The following CUX1 variants were observed in gnomAD, a reference collection of about 807,000 sequenced individuals.
CUX1 encodes protein CASP.
In CUX1, 31 loss-of-function variants were observed where a neutral mutation model predicts 158.8. The observed-to-expected ratio is 0.20, with a 90% CI of 0.15 to 0.26. The LOEUF (loss-of-function observed/expected upper bound fraction) is 0.26, where lower values mean the gene tolerates loss of function less well. CUX1 is among the 10% of genes least tolerant of loss of function. CUX1 has a pLI of 1.00. For missense variants in CUX1, 1,589 were observed against 2,014.6 expected, an observed-to-expected ratio of 0.79 and a Z score of 4.04; for synonymous variants, 879 against 862.1, an observed-to-expected ratio of 1.02 and a Z score of -0.34.
intron 1 of CUX1, among the ~76,000 whole-genome samples, chr7:101,854,306 T>C (rs993833737): frequency 2.0e-5 from 3 of 152,146 alleles, no homozygotes; most frequent in African/African-American, 7.2e-5. Context: ...GCGGGTAACA[T>C]ATGATTAACA....
At chr7:101,915,963 G>A (rs528705913) in intron 1 of CUX1, 152 bp from the exon 2 acceptor site, 20 of 623,828 alleles carry the variant, frequency 3.2e-5, no homozygotes, top group South Asian at 7.0e-5. Flanking sequence ...CTGCCTTCCC[G>A]CCACCCTCCA....
intron 22 of CUX1, among the ~76,000 whole-genome samples, chr7:102,236,135 C>T (rs1327581611): frequency 6.6e-6 from 1 of 152,208 alleles, no homozygotes; most frequent in Non-Finnish European, 1.5e-5. Context: ...CAGTAGGGAA[C>T]GGGAATTCAT....
At chr7:101,821,032 G>A (rs1043044595) in intron 1 of CUX1, among the ~76,000 whole-genome samples, 1 of 152,156 alleles carries the variant, frequency 6.6e-6, no homozygotes, top group Non-Finnish European at 1.5e-5. Flanking sequence ...CCTGGATGCC[G>A]AGAGAAGTGT....
chr7:101,996,317 G>A (rs1815878893), intron 2 of CUX1, among the ~76,000 whole-genome samples: 1 of 151,048 alleles, frequency 6.6e-6, no homozygotes, highest in Non-Finnish European at 1.5e-5. Flanking sequence ...AGGACAGAAG[G>A]CTCCCCAGAG....
intron 23 of CUX1, among the ~76,000 whole-genome samples, chr7:102,242,602 A>G (rs1554535333): frequency 6.6e-6 from 1 of 152,220 alleles, no homozygotes; most frequent in African/African-American, 2.4e-5. Flanking sequence ...AACGCTTTCT[A>G]TAATATAGAC....
intron 4 of CUX1, among the ~76,000 whole-genome samples, chr7:102,093,325 A>G (rs1484675792): frequency 6.6e-6 from 1 of 151,774 alleles, no homozygotes; most frequent in Non-Finnish European, 1.5e-5. Context: ...AGCTGGGACT[A>G]CAGGCATGCA....
intron 2 of CUX1, among the ~76,000 whole-genome samples, chr7:101,965,621 G>A (rs1811085918): frequency 6.6e-6 from 1 of 152,080 alleles, no homozygotes. Flanking sequence ...GCCGAGGTGG[G>A]CGGATCACGA....
At chr7:102,070,104 T>C (rs1479555948) in intron 3 of CUX1, among the ~76,000 whole-genome samples, 1 of 152,150 alleles carries the variant, frequency 6.6e-6, no homozygotes, top group East Asian at 1.9e-4. Context: ...ACCCACCCAG[T>C]GTTCCCTGCT....
At chr7:101,828,844 G>A (rs1174333759) in intron 1 of CUX1, among the ~76,000 whole-genome samples, 1 of 152,270 alleles carries the variant, frequency 6.6e-6, no homozygotes, top group Non-Finnish European at 1.5e-5. Flanking sequence ...GGATGCCCAG[G>A]CCCATTGCGG....
chr7:102,282,749 G>C, exon 22 of CUX1: 1 of 1,613,616 alleles, frequency 6.2e-7, no homozygotes, highest in Non-Finnish European at 8.5e-7. Flanking sequence ...AGCATGGAGA[G>C]GGACTGTGCC....
At chr7:102,120,877 A>C (rs1228067506) in intron 8 of CUX1, among the ~76,000 whole-genome samples, 2 of 152,124 alleles carry the variant, frequency 1.3e-5, no homozygotes, top group African/African-American at 4.8e-5. Flanking sequence ...CAGCCTGGGC[A>C]ACATAGTGAG....
intron 21 of CUX1, among the ~76,000 whole-genome samples, chr7:102,232,058 G>T (rs1443882816): frequency 6.6e-6 from 1 of 151,470 alleles, no homozygotes; most frequent in Non-Finnish European, 1.5e-5. Flanking sequence ...ATAAGGACTT[G>T]GGACATTTAT....
chr7:102,164,186 C>A (rs1554508014), intron 9 of CUX1, among the ~76,000 whole-genome samples: 1 of 152,224 alleles, frequency 6.6e-6, no homozygotes, highest in Non-Finnish European at 1.5e-5. Flanking sequence ...GGCCCGCCCA[C>A]CACCCCTCCG....
intron 20 of CUX1, among the ~76,000 whole-genome samples, chr7:102,210,939 T>C (rs1412778025): frequency 3.3e-5 from 5 of 152,316 alleles, no homozygotes; most frequent in Non-Finnish European, 7.4e-5. Context: ...TGGTCATGGC[T>C]CTTAGCTGGT....
At chr7:102,009,513 G>A (rs575656423) in intron 2 of CUX1, among the ~76,000 whole-genome samples, 5 of 152,326 alleles carry the variant, frequency 3.3e-5, no homozygotes, top group Admixed American at 1.3e-4. Context: ...GGCTGGTCTC[G>A]AACTCCTGAC....
downstream of CUX1, among the ~76,000 whole-genome samples, chr7:102,260,209 A>G (rs1399063641): frequency 6.0e-5 from 9 of 150,882 alleles, no homozygotes; most frequent in Admixed American, 2.0e-4. Context: ...CAACCCTCCC[A>G]TCTCAGCCTC....
rs187746874 is a variant in CUX1 at position 102,234,341 on chromosome 7, T to A, written c.3622+101T>A. On this transcript the variant is annotated intron_variant, in intron 22 of 23. Transcript: ENST00000292535. ...ACAGCTGATGAGGGACATTGACCCA[T>A]GACCAAGGGACCAGAGGACAGGGCA... 8.7e-4 allele frequency: 1,004 copies of A among 1,158,084 alleles called. 2 individuals are homozygous for A. The highest frequency in any genetic ancestry group is 8.5e-3 in the Middle Eastern group (29 of 3,396). The allele number at this position is 1,158,084 out of a possible 1,614,324, so 71.7% of individuals were successfully genotyped here. A position where few individuals can be genotyped will look rare whatever the true frequency, so the allele number is the denominator to read the frequency against.
At chr7:102,024,805 C>G (rs528133519) in intron 2 of CUX1, among the ~76,000 whole-genome samples, 2 of 152,150 alleles carry the variant, frequency 1.3e-5, no homozygotes, top group Admixed American at 1.3e-4. Flanking sequence ...TATATGTTGT[C>G]CTCTACCTTT....
intron 6 of CUX1, 24 bp downstream of exon 6, chr7:102,104,483 A>G (rs368144417): frequency 3.1e-6 from 5 of 1,610,134 alleles, no homozygotes; most frequent in Middle Eastern, 1.6e-4. Context: ...CCAGGCACAC[A>G]CAGACTGACA....
Sources: gnomAD v4.1 joint callset for allele counts (sites outside exome capture counted in the v4.1 genomes callset) on GRCh38, gnomAD v4.1.1 for gene constraint, MANE v1.5 for transcripts, NCBI Gene and HGNC (gene_info 2026-07-23, HGNC 2026-07-21) for gene names.